Variants in CDH4 observed in about 807,000 individuals in gnomAD.
CDH4 encodes the protein cadherin-4.
A neutral mutation model predicts 86.0 loss-of-function variants in CDH4; 33 were observed. The observed-to-expected ratio is 0.38, with a 90% CI of 0.29 to 0.51. The LOEUF (loss-of-function observed/expected upper bound fraction) is 0.51, where lower values mean the gene tolerates loss of function less well. Among genes scored for constraint, CDH4 ranks in the 20% least tolerant of loss-of-function variants. The pLI is 0.86. For synonymous variants in CDH4, 555 were observed against 549.4 expected (o/e 1.01, Z -0.14); for missense variants, 1,114 against 1,307.4 (o/e 0.85, Z 2.28).
At chr20:61,329,127 C>T (rs1568799798) in intron 2 of CDH4, among the ~76,000 whole-genome samples, 1 of 152,162 alleles carries the variant, frequency 6.6e-6, no homozygotes, top group Non-Finnish European at 1.5e-5. Flanking sequence ...TGTGTGGGTG[C>T]CGAGGATGGT....
rs966502458 is a variant in CDH4, at chr20:61,373,543, T to A, written c.169+118606T>A. Among the ~76,000 whole-genome samples the A allele has an allele frequency of 4.6e-5, 7 of 152,316 alleles. No homozygotes were observed. The Middle Eastern group carries it at 0.01, about 222-fold the overall frequency. On this transcript the variant is annotated intron_variant, in intron 2 of 15. Coordinates refer to ENST00000614565, the MANE Select transcript of CDH4 (RefSeq NM_001794.5). ...CTGGGGCTCGCAGGACCATTTGGAC[T>A]TAATGGAGAAAAAGCAGCAGACAAA...
intron 2 of CDH4, among the ~76,000 whole-genome samples, chr20:61,473,188 C>G (rs968817054): frequency 1.3e-5 from 2 of 152,128 alleles, no homozygotes; most frequent in Non-Finnish European, 2.9e-5. Context: ...GTCAAAATAA[C>G]CTCTTTAGCA....
intron 6 of CDH4, among the ~76,000 whole-genome samples, chr20:61,871,869 C>T (rs755943192): frequency 2.0e-5 from 3 of 152,246 alleles, no homozygotes; most frequent in African/African-American, 7.2e-5. Flanking sequence ...TTTCATGAAA[C>T]GTGTCTGCTT....
At chr20:61,679,146 G>C (rs919017517) in intron 2 of CDH4, among the ~76,000 whole-genome samples, 5 of 152,220 alleles carry the variant, frequency 3.3e-5, no homozygotes, top group Admixed American at 6.5e-5. Flanking sequence ...GGGTGGGTCA[G>C]TGGCTGCGTG....
chr20:61,733,606 C>T (rs947263666), intron 2 of CDH4, among the ~76,000 whole-genome samples: 2 of 149,612 alleles, frequency 1.3e-5, no homozygotes, highest in South Asian at 2.1e-4. Context: ...GCACCCAGGA[C>T]GGTACGTAGG....
At chr20:61,365,943 G>C (rs1474533178) in intron 2 of CDH4, among the ~76,000 whole-genome samples, 1 of 152,178 alleles carries the variant, frequency 6.6e-6, no homozygotes, top group South Asian at 2.1e-4. Context: ...TAAAGAGGAT[G>C]CATGTATGAG....
At chr20:61,255,843 AT>A (rs2084095224) in intron 2 of CDH4, among the ~76,000 whole-genome samples, 1 of 152,106 alleles carries the variant, frequency 6.6e-6, no homozygotes, top group South Asian at 2.1e-4. Flanking sequence ...TAGTGAAGTG[AT>A]TTTTCAGATC....
chr20:61,661,253 C>G (rs146719381), intron 2 of CDH4, among the ~76,000 whole-genome samples: 8 of 152,306 alleles, frequency 5.3e-5, no homozygotes, highest in Non-Finnish European at 1.0e-4. Context: ...GCCAGCACCC[C>G]CCAGGCTCTC....
chr20:61,714,316 G>A (rs1320155278), intron 2 of CDH4, among the ~76,000 whole-genome samples: 3 of 152,100 alleles, frequency 2.0e-5, no homozygotes, highest in Admixed American at 2.0e-4. Context: ...AAAGTGCTGG[G>A]ATTACAGGCG....
chr20:61,379,036 G>A (rs376472302), intron 2 of CDH4, among the ~76,000 whole-genome samples: 1 of 152,176 alleles, frequency 6.6e-6, no homozygotes, highest in Non-Finnish European at 1.5e-5. Context: ...TGAGCCCAAG[G>A]TTTCTGTTTT....
intron 4 of CDH4, among the ~76,000 whole-genome samples, chr20:61,773,452 G>T (rs1159880521): frequency 2.6e-5 from 4 of 152,140 alleles, no homozygotes; most frequent in Non-Finnish European, 5.9e-5. Flanking sequence ...GAAGCAGTGG[G>T]CAGGGGCGTG....
intron 2 of CDH4, among the ~76,000 whole-genome samples, chr20:61,311,069 C>T (rs1409486303): frequency 6.6e-6 from 1 of 152,302 alleles, no homozygotes; most frequent in Middle Eastern, 3.4e-3. Context: ...TGGTCCTCCT[C>T]GTTTCCATCA....
chr20:61,733,968 G>A (rs748964457), intron 2 of CDH4, among the ~76,000 whole-genome samples: 15 of 152,372 alleles, frequency 9.8e-5, no homozygotes, highest in Middle Eastern at 3.4e-3. Flanking sequence ...GGCTCCTGCC[G>A]CAGAGGAAGC....
chr20:61,868,057 CT>C (rs1399751738), intron 6 of CDH4, among the ~76,000 whole-genome samples: 1 of 152,220 alleles, frequency 6.6e-6, no homozygotes, highest in African/African-American at 2.4e-5. Context: ...ACTTGGACCC[CT>C]GATCAATATC....
intron 2 of CDH4, among the ~76,000 whole-genome samples, chr20:61,413,208 A>G (rs1200402835): frequency 1.1e-5 from 1 of 91,030 alleles, no homozygotes; most frequent in Non-Finnish European, 2.2e-5. Context: ...CCCCTGGCCC[A>G]TGCTCCCTTT....
intron 2 of CDH4, among the ~76,000 whole-genome samples, chr20:61,498,062 TG>T (rs1195194245): frequency 4.0e-5 from 2 of 50,334 alleles, no homozygotes; most frequent in South Asian, 8.1e-4. Flanking sequence ...TGTCATGGGG[TG>T]GGGGGAGGGG....
At chr20:61,604,648 G>A (rs12162445) in intron 2 of CDH4, among the ~76,000 whole-genome samples, 6,742 of 152,194 alleles carry the variant, frequency 0.044, 284 homozygotes, top group East Asian at 0.16. Context: ...TCTTACTGAC[G>A]CACTCCTTCC....
chr20:61,380,049 A>G (rs959310434), intron 2 of CDH4, among the ~76,000 whole-genome samples: 10 of 152,154 alleles, frequency 6.6e-5, no homozygotes, highest in Admixed American at 2.0e-4. Flanking sequence ...ATATTCAACA[A>G]AAGCAAGGAT....
intron 2 of CDH4, among the ~76,000 whole-genome samples, chr20:61,280,698 C>G (rs1175153901): frequency 6.6e-6 from 1 of 152,220 alleles, no homozygotes; most frequent in African/African-American, 2.4e-5. Context: ...GCCCTGACAT[C>G]TAGTGATGGG....
Sources: allele counts gnomAD v4.1 joint callset (sites outside exome capture counted in the v4.1 genomes callset), GRCh38; gene constraint gnomAD v4.1.1; transcripts MANE v1.5; gene names NCBI Gene and HGNC (gene_info 2026-07-23, HGNC 2026-07-21).